Variants in LRATD1 observed in about 807,000 individuals in gnomAD.
LRATD1 encodes protein LRATD1.
In LRATD1, 8 loss-of-function variants were observed where a neutral mutation model predicts 21.3. The observed-to-expected ratio is 0.38, with a 90% confidence interval of 0.22 to 0.68. LRATD1 has a LOEUF of 0.68. Among genes scored for constraint, LRATD1 ranks in the 30% least tolerant of loss-of-function variants. LRATD1 has a pLI of 0.54. For synonymous variants in LRATD1, 210 were observed against 186.2 expected (o/e 1.13, Z -1.04); for missense variants, 380 against 404.0 (o/e 0.94, Z 0.51).
In LRATD1 at chr2:14,637,459, T is replaced by A. The variant is rs892874446; in HGVS notation, c.*2601T>A. On this transcript the variant is annotated 3_prime_UTR_variant, in exon 2 of 2. Transcript: ENST00000295092. ...AATAAAAATGAGCTGGGCAGTTAAA[T>A]TAGCATTTGTTACTATATTGGCCTA... 1 of 167,028 alleles carries A rather than the reference T, an allele frequency of 6.0e-6. No individual in the cohort carries two copies. Among genetic ancestry groups the A allele is most frequent in the African/African-American group, 2.4e-5 (1 of 41,470 alleles). 10.3% of individuals were successfully genotyped at this position (167,028 alleles called of 1,614,324 possible).
Position 14,633,629 on chromosome 2 carries a change from A to C in LRATD1, c.-36-315A>C. 3.7e-6 allele frequency: 1 copy of C among 267,828 alleles called. No homozygotes were observed. The highest frequency in any genetic ancestry group is 7.0e-5 in the East Asian group (1 of 14,274). The allele number at this position is 267,828 out of a possible 1,614,324, so 16.6% of individuals were successfully genotyped here. ...CTGGGTGTCCGTCTCCCACACTGCC[A>C]CAGCCAGCACTCTCCTCCCCACCGG... On this transcript the variant is annotated intron_variant, in intron 1 of 1. Transcript: ENST00000295092. The surrounding 1 kb of genome is among the most constrained non-coding windows in gnomAD (Gnocchi z 7.5).
chr2:14,635,020 C>A lies in LRATD1; in HGVS notation c.*162C>A, dbSNP rs1300425762. Reference sequence around the variant, plus strand: ...CGGGCTGCACCCCCGCATCCCCAAGCCAGCGGCAGGAAGTCTCAGGAACTG... The same window carrying A: ...CGGGCTGCACCCCCGCATCCCCAAGACAGCGGCAGGAAGTCTCAGGAACTG... On this transcript the variant is annotated 3_prime_UTR_variant, in exon 2 of 2. Transcript: ENST00000295092. 1.9e-6 allele frequency: 2 copies of A among 1,036,740 alleles called. No individual in the cohort carries two copies. The highest frequency in any genetic ancestry group is 2.9e-6 in the Non-Finnish European group (2 of 691,336). The allele number at this position is 1,036,740 out of a possible 1,614,324, so 64.2% of individuals were successfully genotyped here.
chr2:14,636,099 G>C lies in LRATD1; in HGVS notation c.*1241G>C, dbSNP rs1413278583. 5.5e-6 allele frequency: 1 copy of C among 181,500 alleles called. No individual in the cohort carries two copies. Among genetic ancestry groups the C allele is most frequent in the Non-Finnish European group, 1.3e-5 (1 of 75,598 alleles). The allele number at this position is 181,500 out of a possible 1,614,324, so 11.2% of individuals were successfully genotyped here. A position where few individuals can be genotyped will look rare whatever the true frequency, so the allele number is the denominator to read the frequency against. ...GGCCATTAAGAGTGGATGTAGCTAA[G>C]AGCTTAGCTAACATTGCCTTTTCAC... On this transcript the variant is annotated 3_prime_UTR_variant, in exon 2 of 2. Transcript: ENST00000295092.
Position 14,635,082 on chromosome 2 carries a change from C to A in LRATD1, c.*224C>A. The stretch of plus-strand genomic sequence containing the variant: ...AAAGGGCGCCGCTGCGAGCGCCTGG[C>A]TGACAGCCACAGCGGTGGTGACGGT... On this transcript the variant is annotated 3_prime_UTR_variant, in exon 2 of 2. Transcript: ENST00000295092. 1.4e-6 allele frequency: 1 copy of A among 728,090 alleles called. No individual in the cohort carries two copies. The allele number at this position is 728,090 out of a possible 1,614,324, so 45.1% of individuals were successfully genotyped here.
In LRATD1 at chr2:14,634,599, TC is replaced by T; in HGVS notation, c.621del (p.Cys208AlafsTer204). ...CACCTGGGCCTCAAGAGCGAGGAGA[TC>T]TGCTGGACGAACTCGGAGAGCTTCG... is the stretch of plus-strand genomic sequence containing the variant. The part of the protein sequence containing the change: ...CGHLGLKSEE[I>X]CWTNSESFAA... On this transcript the variant is annotated frameshift_variant, in exon 2 of 2. Transcript: ENST00000295092. LOFTEE classifies it high-confidence loss of function. 6.6e-7 allele frequency: 1 copy of T among 1,508,272 alleles called. No individual in the cohort carries two copies. The highest frequency in any genetic ancestry group is 8.9e-7 in the Non-Finnish European group (1 of 1,124,512). The allele number at this position is 1,508,272 out of a possible 1,614,324, so 93.4% of individuals were successfully genotyped here.
chr2:14,650,711 G>T (rs1671990465), downstream of LRATD1: 1 of 152,102 alleles, frequency 6.6e-6, no homozygotes. Flanking sequence ...ACATCAACTG[G>T]ATATGCCATG....
rs1477851749 is a variant in LRATD1 at position 14,634,826 on chromosome 2, G to A, written c.847G>A (p.Glu283Lys). The A allele has an allele frequency of 6.2e-7, 1 of 1,609,754 alleles. No homozygotes were observed. The highest frequency in any genetic ancestry group is 2.2e-5 in the East Asian group (1 of 44,752). The change falls in exon 2 of 2, where the codon GAG becomes AAG. Residue 283 changes from glutamate to lysine, a missense_variant. By Grantham distance (56) the Glu-to-Lys change is moderately conservative (BLOSUM62 1). Coordinates refer to ENST00000295092, the MANE Select transcript of LRATD1 (RefSeq NM_145175.4). ...CAGCGGCCGCCTGCGAGTGCTCCAG[G>A]AGCTCGCCGACCTCGTGGACGACAA... is the stretch of plus-strand genomic sequence containing the variant. ...DASGRLRVLQ[E>K]LADLVDDKE
chr2:14,634,202 C>T lies in LRATD1; in HGVS notation c.223C>T (p.Leu75=). ...GAGCCCCAGCCGCCACCACCACCAC[C>T]TGCTGCACCAGCTGGTCCTCAACGA... ...PESPSRHHHH[L]LHQLVLNETQ... is the part of the protein sequence containing the mutation. The change falls in exon 2 of 2, where the codon CTG becomes TTG. Residue 75 remains leucine, a synonymous_variant. Transcript: ENST00000295092. 1 of 1,613,430 alleles carries T rather than the reference C, an allele frequency of 6.2e-7. No homozygotes were observed.
At chr2:14,648,323 T>C (rs1396718713) in intron 4 of LRATD1, among the ~76,000 whole-genome samples, 1 of 152,156 alleles carries the variant, frequency 6.6e-6, no homozygotes, top group Non-Finnish European at 1.5e-5. Context: ...AGTTTTTTTC[T>C]ATGGAAATTA....
chr2:14,634,869 G>A lies in LRATD1; in HGVS notation c.*11G>A, dbSNP rs374854100. 4 of 1,603,708 alleles carry A rather than the reference G, an allele frequency of 2.5e-6. No homozygotes were observed. In the Admixed American group the frequency reaches 6.8e-5, roughly 27 times the overall value. The stretch of plus-strand genomic sequence containing the variant: ...GACGACAAGGAGTAGCCGCCTAGGG[G>A]CTGCCGGCCCCTCTGCCTCCCCCGC... On this transcript the variant is annotated 3_prime_UTR_variant, in exon 2 of 2. Coordinates refer to ENST00000295092, the MANE Select transcript of LRATD1 (RefSeq NM_145175.4).
Position 14,637,968 on chromosome 2 carries a change from G to A in LRATD1, c.*3110G>A, listed in dbSNP as rs556664231. On this transcript the variant is annotated 3_prime_UTR_variant, in exon 2 of 2. Coordinates refer to ENST00000295092, the MANE Select transcript of LRATD1 (RefSeq NM_145175.4). ...ATGATGTTGGGTGTGGCTAAGCTGG[G>A]GATTGGTTCTGTTCCCCCTGCTCCC... The A allele has an allele frequency of 6.0e-6, 1 of 166,898 alleles. No homozygotes were observed. The highest frequency in any genetic ancestry group is 2.4e-5 in the African/African-American group (1 of 41,452). 10.3% of individuals were successfully genotyped at this position (166,898 alleles called of 1,614,324 possible).
intron 4 of LRATD1, among the ~76,000 whole-genome samples, chr2:14,647,448 A>C (rs1256746655): frequency 6.6e-6 from 1 of 152,124 alleles, no homozygotes; most frequent in African/African-American, 2.4e-5. Context: ...GGTGTTTCTT[A>C]GAATGAATAT....
At chr2:14,646,108 A>G (rs920100646) in exon 3 of LRATD1, 1 of 151,938 alleles carries the variant, frequency 6.6e-6, no homozygotes, top group African/African-American at 2.4e-5. Flanking sequence ...TTATAGAACA[A>G]AACCCATTTA....
At chr2:14,648,904 T>C (rs2103414743) in intron 4 of LRATD1, among the ~76,000 whole-genome samples, 1 of 152,272 alleles carries the variant, frequency 6.6e-6, no homozygotes, top group East Asian at 1.9e-4. Flanking sequence ...GAATCCCACA[T>C]TTATTCATGA....
chr2:14,645,378 T>A (rs1671876552), intron 2 of LRATD1, among the ~76,000 whole-genome samples: 1 of 152,232 alleles, frequency 6.6e-6, no homozygotes, highest in Non-Finnish European at 1.5e-5. Context: ...CATCAGCTTC[T>A]GGACTGCAAT....
downstream of LRATD1, among the ~76,000 whole-genome samples, chr2:14,642,521 T>C (rs1319111281): frequency 1.3e-5 from 2 of 152,208 alleles, no homozygotes; most frequent in Admixed American, 6.5e-5. Context: ...GGCTGTAGAC[T>C]GCCCGAGATG....
rs779832123 is a variant in LRATD1 at position 14,634,258 on chromosome 2, A to G, written c.279A>G (p.Glu93=). The change falls in exon 2 of 2, where the codon GAA becomes GAG. Residue 93 remains glutamate, a synonymous_variant. Transcript: ENST00000295092. The stretch of plus-strand genomic sequence containing the variant: ...AGTTTTCCGCCTTTCGGGGCCAGGA[A>G]TGCATCTTTTCCAAAGTGAGCGGTG... ...ETQFSAFRGQ[E]CIFSKVSGGP... The G allele has an allele frequency of 6.2e-7, 1 of 1,609,408 alleles. No individual in the cohort carries two copies.
At chr2:14,650,904 C>T (rs1036134538), downstream of LRATD1, 2 of 152,104 alleles carry the variant, frequency 1.3e-5, no homozygotes, top group South Asian at 4.1e-4. Context: ...TTTTAGGATA[C>T]ACACATACAC....
intron 4 of LRATD1, among the ~76,000 whole-genome samples, chr2:14,647,534 T>C (rs1457821040): frequency 1.3e-5 from 2 of 152,064 alleles, no homozygotes; most frequent in Non-Finnish European, 2.9e-5. Context: ...CCCAAAGTGA[T>C]GATATTAGGA....
Sources: gnomAD v4.1 joint callset for allele counts (sites outside exome capture counted in the v4.1 genomes callset) on GRCh38, gnomAD v4.1.1 for gene constraint, Gnocchi (gnomAD v3.1) non-coding constraint, MANE v1.5 for transcripts, NCBI Gene and HGNC (gene_info 2026-07-23, HGNC 2026-07-21) for gene names.